The following DCDC1 variants were observed in gnomAD, a reference collection of about 807,000 sequenced individuals.
The protein encoded by DCDC1 is doublecortin domain-containing protein 1.
A neutral mutation model predicts 178.3 loss-of-function variants in DCDC1; 200 were observed. That is an observed-to-expected ratio of 1.12 (90% CI 1.00 to 1.26). The LOEUF (loss-of-function observed/expected upper bound fraction) is 1.26. DCDC1 is among the 50% of genes most tolerant of loss of function. DCDC1 has a pLI of 0.00. For missense variants in DCDC1, 1,983 were observed against 1,749.2 expected (o/e 1.13, Z -2.38); for synonymous variants, 690 against 604.8 (o/e 1.14, Z -2.07).
intron 3 of DCDC1, among the ~76,000 whole-genome samples, chr11:31,325,415 C>T (rs1467763204): frequency 6.6e-6 from 1 of 152,078 alleles, no homozygotes; most frequent in African/African-American, 2.4e-5. Context: ...CACATGACCT[C>T]CAAATGGTGA....
chr11:31,199,248 A>G (rs2136417983), intron 9 of DCDC1, among the ~76,000 whole-genome samples: 1 of 152,214 alleles, frequency 6.6e-6, no homozygotes, highest in South Asian at 2.1e-4. Context: ...TAACAATCAC[A>G]AACATCCAGA....
intron 20 of DCDC1, among the ~76,000 whole-genome samples, chr11:31,032,972 C>CACACCTGGCAGAGGTGGGAGGCCTTGGGG (rs1460060452): frequency 2.0e-5 from 3 of 152,074 alleles, no homozygotes; most frequent in African/African-American, 7.2e-5. Context: ...AAAAAAAAGA[C>CACACCTGGCAGAGGTGGGAGGCCTTGGGG]ACACCTGGCA....
chr11:30,900,629 T>G (rs2134106606), intron 32 of DCDC1, 131 bp from the exon 33 acceptor site: 1 of 887,190 alleles, frequency 1.1e-6, no homozygotes, highest in South Asian at 3.7e-5. Flanking sequence ...AATGCCAAAA[T>G]CAGAGACTAA....
intron 20 of DCDC1, among the ~76,000 whole-genome samples, chr11:31,039,186 C>A (rs1194173379): frequency 6.6e-6 from 1 of 152,134 alleles, no homozygotes; most frequent in African/African-American, 2.4e-5. Context: ...GGGTTACAAG[C>A]TATGATCCTT....
At chr11:31,057,218 A>C (rs921690848) in intron 20 of DCDC1, among the ~76,000 whole-genome samples, 13 of 144,962 alleles carry the variant, frequency 9.0e-5, no homozygotes, top group African/African-American at 3.0e-4. Context: ...AGGGCAATAC[A>C]GCAAGATTCT....
intron 1 of DCDC1, among the ~76,000 whole-genome samples, chr11:31,359,132 C>G (rs1280789023): frequency 6.6e-6 from 1 of 152,134 alleles, no homozygotes; most frequent in Non-Finnish European, 1.5e-5. Flanking sequence ...GACACACGCA[C>G]ACGTATGTTT....
rs1944566241 is a variant in DCDC1, at chr11:30,900,329, A to G, written c.4663+17T>C. On this transcript the variant is annotated intron_variant, in intron 33 of 38. Coordinates refer to ENST00000684477, the MANE Select transcript of DCDC1 (RefSeq NM_001387274.1). ...TTCATATACTTGCTTGAAAGAAAGC[A>G]AAAACAAAAAAGTTACCATTTGGAG... The G allele has an allele frequency of 2.0e-6, 3 of 1,495,552 alleles. No homozygotes were observed. The South Asian group carries it at 4.2e-5, about 21-fold the overall frequency. The allele number at this position is 1,495,552 out of a possible 1,614,324, so 92.6% of individuals were successfully genotyped here.
At chr11:31,130,300 T>G (rs1962259770) in intron 10 of DCDC1, among the ~76,000 whole-genome samples, 1 of 152,176 alleles carries the variant, frequency 6.6e-6, no homozygotes, top group Admixed American at 6.6e-5. Context: ...TCTATTAGTA[T>G]TATATGTGAC....
chr11:31,055,145 AAAAC>A (rs1955502646), intron 20 of DCDC1, among the ~76,000 whole-genome samples: 1 of 152,090 alleles, frequency 6.6e-6, no homozygotes, highest in African/African-American at 2.4e-5. Context: ...CAGTAAGAAA[AAAAC>A]AAACAATCCC....
intron 9 of DCDC1, among the ~76,000 whole-genome samples, chr11:31,204,856 CAA>C (rs1971694342): frequency 6.6e-6 from 1 of 152,000 alleles, no homozygotes; most frequent in African/African-American, 2.4e-5. Context: ...AAAAAACAAA[CAA>C]AAAATTCAAA....
chr11:31,159,763 A>T (rs990639978), intron 9 of DCDC1, among the ~76,000 whole-genome samples: 10 of 152,162 alleles, frequency 6.6e-5, no homozygotes, highest in Non-Finnish European at 2.9e-5. Flanking sequence ...AGTATTAATG[A>T]TATCCCCTTC....
chr11:31,334,266 G>A (rs1950159691), intron 2 of DCDC1, among the ~76,000 whole-genome samples: 2 of 152,132 alleles, frequency 1.3e-5, no homozygotes, highest in Admixed American at 1.3e-4. Flanking sequence ...GTTTATTCTA[G>A]TTAGCCATTC....
chr11:31,064,953 T>G, intron 19 of DCDC1, 66 bp downstream of exon 19: 1 of 650,426 alleles, frequency 1.5e-6, no homozygotes, highest in Non-Finnish European at 2.7e-6. Context: ...ACTTGAACAT[T>G]TTTTCTTTTT....
intron 1 of DCDC1, among the ~76,000 whole-genome samples, chr11:31,364,964 G>A (rs1038879166): frequency 2.6e-4 from 40 of 152,162 alleles, no homozygotes; most frequent in African/African-American, 9.2e-4. Flanking sequence ...TTGATTCAAG[G>A]ATTTTAATCA....
chr11:31,121,569 T>C (rs1960809173), intron 11 of DCDC1, among the ~76,000 whole-genome samples: 1 of 151,420 alleles, frequency 6.6e-6, no homozygotes, highest in South Asian at 2.1e-4. Flanking sequence ...TGTTGTTCAC[T>C]GATCAATGCA....
chr11:31,229,776 A>C (rs564226045), intron 9 of DCDC1, among the ~76,000 whole-genome samples: 1 of 152,296 alleles, frequency 6.6e-6, no homozygotes, highest in African/African-American at 2.4e-5. Context: ...AGAAAACACA[A>C]TGATGATCTG....
At chr11:31,105,800 C>G (rs573862187) in intron 13 of DCDC1, among the ~76,000 whole-genome samples, 1 of 152,068 alleles carries the variant, frequency 6.6e-6, no homozygotes, top group South Asian at 2.1e-4. Flanking sequence ...TTTCAGTATT[C>G]GAAATTTTAA....
intron 8 of DCDC1, among the ~76,000 whole-genome samples, chr11:31,256,060 C>A (rs565209287): frequency 8.5e-5 from 13 of 152,280 alleles, no homozygotes; most frequent in African/African-American, 2.4e-4. Flanking sequence ...GTTCTACCAG[C>A]ACCATTGATT....
chr11:30,921,022 G>A (rs1946216421), intron 24 of DCDC1, 87 bp from the exon 25 acceptor site: 1 of 1,369,528 alleles, frequency 7.3e-7, no homozygotes, highest in Non-Finnish European at 9.8e-7. Flanking sequence ...AAATACAAAT[G>A]CAAAATAATT....
Sources: gnomAD v4.1 joint callset for allele counts (sites outside exome capture counted in the v4.1 genomes callset) on GRCh38, gnomAD v4.1.1 for gene constraint, MANE v1.5 for transcripts, NCBI Gene and HGNC (gene_info 2026-07-23, HGNC 2026-07-21) for gene names.